Variants in FAM3C observed in about 807,000 individuals in gnomAD.
The protein encoded by FAM3C is protein FAM3C.
A neutral mutation model predicts 32.5 loss-of-function variants in FAM3C; 15 were observed. The observed-to-expected ratio is 0.46, with a 90% CI of 0.31 to 0.71. The LOEUF (loss-of-function observed/expected upper bound fraction) is 0.71, where lower values mean the gene tolerates loss of function less well. Ranked by LOEUF, FAM3C falls within the 30% of genes least tolerant of loss-of-function variation. The pLI is 0.05. For missense variants in FAM3C, 175 were observed against 274.4 expected (o/e 0.64, Z 2.56); for synonymous variants, 75 against 86.1 (o/e 0.87, Z 0.72).
chr7:121,353,162 T>A (rs76362873), intron 8 of FAM3C, among the ~76,000 whole-genome samples: 155 of 152,240 alleles, frequency 1.0e-3, no homozygotes, highest in African/African-American at 3.7e-3. Context: ...ACAGGAAAAA[T>A]TCCCTGCAAA....
At chr7:121,369,271 A>G (rs2536157) in intron 5 of FAM3C, among the ~76,000 whole-genome samples, 38,823 of 151,800 alleles carry the variant, frequency 0.26, 5,934 homozygotes, top group African/African-American at 0.44. Context: ...ATGAGCCACC[A>G]CGCCCAGCCT....
At chr7:121,362,733 G>C in intron 7 of FAM3C, 164 bp downstream of exon 7, 1 of 584,824 alleles carries the variant, frequency 1.7e-6, no homozygotes, top group Non-Finnish European at 3.0e-6. Flanking sequence ...TATAAAACAT[G>C]AATGATAACT....
chr7:121,350,058 T>C lies in FAM3C; in HGVS notation c.*403A>G, dbSNP rs1778189735. 1 of 183,390 alleles carries C rather than the reference T, an allele frequency of 5.5e-6. No individual in the cohort carries two copies. Among genetic ancestry groups the C allele is most frequent in the Non-Finnish European group, 1.1e-5 (1 of 91,558 alleles). The allele number at this position is 183,390 out of a possible 1,614,324, so 11.4% of individuals were successfully genotyped here. On this transcript the variant is annotated 3_prime_UTR_variant, in exon 10 of 10. Transcript: ENST00000359943. ...AAGATAATGTCATCACAACGCAACATATAGAAACATAAAAGAAAATAAAGT... is the reference window on the plus strand; with the variant it reads ...AAGATAATGTCATCACAACGCAACACATAGAAACATAAAAGAAAATAAAGT...
intron 3 of FAM3C, among the ~76,000 whole-genome samples, chr7:121,373,248 A>T (rs1794182273): frequency 6.6e-6 from 1 of 152,008 alleles, no homozygotes; most frequent in Non-Finnish European, 1.5e-5. Flanking sequence ...GTGTAACAGT[A>T]AGGGGAGTAG....
chr7:121,379,137 CTTAAT>C, intron 2 of FAM3C, 123 bp from the exon 3 acceptor site: 1 of 570,262 alleles, frequency 1.8e-6, no homozygotes, highest in Non-Finnish European at 3.1e-6. Context: ...TCTATTAGAT[CTTAAT>C]TTTACATGAG....
At chr7:121,362,048 T>C (rs1793936927) in intron 7 of FAM3C, among the ~76,000 whole-genome samples, 1 of 152,190 alleles carries the variant, frequency 6.6e-6, no homozygotes, top group African/African-American at 2.4e-5. Context: ...AACATGAATT[T>C]CAGGAAGCCT....
At chr7:121,394,470 G>C (rs946158566) in intron 1 of FAM3C, among the ~76,000 whole-genome samples, 1 of 152,076 alleles carries the variant, frequency 6.6e-6, no homozygotes, top group Non-Finnish European at 1.5e-5. Flanking sequence ...ACTCCCTTTT[G>C]AAACAGAAGC....
At chr7:121,367,807 A>G (rs183219212) in intron 5 of FAM3C, among the ~76,000 whole-genome samples, 1 of 152,152 alleles carries the variant, frequency 6.6e-6, no homozygotes, top group East Asian at 1.9e-4. Context: ...TTTCCACAAA[A>G]ATAGAAAAAT....
rs1793679341 is a variant in FAM3C at position 121,350,367 on chromosome 7, G to C, written c.*94C>G. On this transcript the variant is annotated 3_prime_UTR_variant, in exon 10 of 10. Coordinates refer to ENST00000359943, the MANE Select transcript of FAM3C (RefSeq NM_014888.3). ...TACTCATGCACACACCAAGATGGCT[G>C]CATGCTCTTAAAATATTTACACATA... 18 of 1,533,676 alleles carry C rather than the reference G, an allele frequency of 1.2e-5. No individual in the cohort carries two copies. Among genetic ancestry groups the C allele is most frequent in the Non-Finnish European group, 1.6e-5 (18 of 1,114,018 alleles).
chr7:121,376,333 A>T (rs1456855837), intron 3 of FAM3C, among the ~76,000 whole-genome samples: 1 of 152,216 alleles, frequency 6.6e-6, no homozygotes, highest in South Asian at 2.1e-4. Context: ...TTGTAAAGGA[A>T]GGTCTGACGG....
At chr7:121,351,469 TTTTAAG>T (rs1194175054) in intron 8 of FAM3C, 200 bp from the exon 9 acceptor site, 1 of 495,510 alleles carries the variant, frequency 2.0e-6, no homozygotes, top group African/African-American at 1.9e-5. Context: ...CAACAATTAA[TTTTAAG>T]TTTATTCTAT....
chr7:121,378,952 C>T lies in FAM3C; in HGVS notation c.76G>A (p.Val26Ile). 3 of 1,565,010 alleles carry T rather than the reference C, an allele frequency of 1.9e-6. No homozygotes were observed. The highest frequency in any genetic ancestry group is 2.6e-6 in the Non-Finnish European group (3 of 1,156,766). The change falls in exon 3 of 10, where the codon GTA becomes ATA. Residue 26 changes from valine to isoleucine, a missense_variant. Transcript: ENST00000359943. ...FLLTFYVISQ[V>I]FEIKMDASLG... is the part of the protein sequence containing the mutation. The stretch of plus-strand genomic sequence containing the variant: ...CTTGCATCCATTTTTATTTCAAATA[C>T]TTGAGAAATAACATAAAATGTCAGT...
intron 1 of FAM3C, among the ~76,000 whole-genome samples, chr7:121,388,469 G>C (rs1361870907): frequency 6.6e-6 from 1 of 152,008 alleles, no homozygotes; most frequent in East Asian, 1.9e-4. Flanking sequence ...ATAATACTAG[G>C]AATGACAAAT....
chr7:121,395,296 C>CATATATATGGATACATACATACATAT (rs1562896401), intron 1 of FAM3C, among the ~76,000 whole-genome samples: 26 of 126,190 alleles, frequency 2.1e-4, no homozygotes, highest in African/African-American at 7.2e-4. Flanking sequence ...TGGATACATA[C>CATATATATGGATACATACATACATAT]ATATATATGG....
At chr7:121,352,981 T>G (rs1252687760) in intron 8 of FAM3C, among the ~76,000 whole-genome samples, 1 of 152,196 alleles carries the variant, frequency 6.6e-6, no homozygotes, top group East Asian at 1.9e-4. Flanking sequence ...GCACAGGCAG[T>G]AGGCTCAGTG....
At chr7:121,388,343 A>G (rs1226873559) in intron 1 of FAM3C, among the ~76,000 whole-genome samples, 1 of 152,028 alleles carries the variant, frequency 6.6e-6, no homozygotes, top group African/African-American at 2.4e-5. Context: ...ACTACCAGCA[A>G]CTAGAAAAGT....
intron 8 of FAM3C, among the ~76,000 whole-genome samples, chr7:121,359,562 A>G (rs1793880561): frequency 6.6e-6 from 1 of 151,968 alleles, no homozygotes; most frequent in Non-Finnish European, 1.5e-5. Flanking sequence ...CTTTTCTATA[A>G]TTTTCCAAAT....
At chr7:121,380,711 A>T (rs994743597) in intron 2 of FAM3C, among the ~76,000 whole-genome samples, 1 of 141,716 alleles carries the variant, frequency 7.1e-6, no homozygotes, top group African/African-American at 2.6e-5. Context: ...TAAAAGTTTT[A>T]AAAAAGCTAT....
At chr7:121,363,297 T>C (rs904710157) in intron 6 of FAM3C, among the ~76,000 whole-genome samples, 1 of 152,152 alleles carries the variant, frequency 6.6e-6, no homozygotes, top group African/African-American at 2.4e-5. Flanking sequence ...TACTCAAAAG[T>C]AAACCTTTTA....
Sources: gnomAD v4.1 joint callset for allele counts (sites outside exome capture counted in the v4.1 genomes callset) on GRCh38, gnomAD v4.1.1 for gene constraint, MANE v1.5 for transcripts, NCBI Gene and HGNC (gene_info 2026-07-23, HGNC 2026-07-21) for gene names.